Variants in KL observed in about 807,000 individuals in gnomAD.
KL encodes the protein klotho, also known as alpha-klotho.
In KL, 62 loss-of-function variants were observed where a neutral mutation model predicts 84.2. The observed-to-expected ratio is 0.74, with a 90% CI of 0.60 to 0.91. The LOEUF (loss-of-function observed/expected upper bound fraction) is 0.91, where lower values mean the gene tolerates loss of function less well. Ranked by LOEUF, KL falls within the 40% of genes least tolerant of loss-of-function variation. KL has a pLI of 0.00. For missense variants in KL, 1,261 were observed against 1,305.7 expected (o/e 0.97, Z 0.53); for synonymous variants, 528 against 528.0 (o/e 1.00, Z 0.00).
chr13:33,018,828 G>A (rs2138186516), intron 1 of KL, among the ~76,000 whole-genome samples: 1 of 152,288 alleles, frequency 6.6e-6, no homozygotes, highest in South Asian at 2.1e-4. Context: ...TATTTTTAGA[G>A]TCCCTAGGAT....
chr13:33,032,717 C>G lies in KL; in HGVS notation c.819+15458C>G, dbSNP rs1405862194. Among the ~76,000 whole-genome samples the G allele has an allele frequency of 2.6e-5, 4 of 152,024 alleles. No individual in the cohort carries two copies. In the East Asian group the frequency reaches 5.8e-4, roughly 22 times the overall value. On this transcript the variant is annotated intron_variant, in intron 1 of 4. Coordinates refer to ENST00000380099, the MANE Select transcript of KL (RefSeq NM_004795.4). ...AATGGGAGGAACAGCCAGGTTATAT[C>G]GTAAAAGATCATGGGGCATGGGAGA...
chr13:33,023,105 C>T (rs1169026028), intron 1 of KL, among the ~76,000 whole-genome samples: 1 of 152,186 alleles, frequency 6.6e-6, no homozygotes, highest in African/African-American at 2.4e-5. Context: ...CTGCACCTAT[C>T]ACTGTCCCTT....
chr13:33,050,447 T>A (rs539895175), intron 1 of KL, among the ~76,000 whole-genome samples: 5 of 152,148 alleles, frequency 3.3e-5, no homozygotes, highest in Admixed American at 3.3e-4. Flanking sequence ...CGTGAAGAGG[T>A]GGTGAAGCTG....
At chr13:33,019,822 A>G (rs497305) in intron 1 of KL, among the ~76,000 whole-genome samples, 49,874 of 151,124 alleles carry the variant, frequency 0.33, 9,472 homozygotes, top group Admixed American at 0.45. Flanking sequence ...GTCTCCTACA[A>G]AGAGCTTGGA....
At chr13:33,063,718 A>G (rs1219073656) in intron 4 of KL, 131 bp from the exon 5 acceptor site, 5 of 812,816 alleles carry the variant, frequency 6.2e-6, no homozygotes, top group Non-Finnish European at 1.1e-5. Flanking sequence ...CGGAGGTTGC[A>G]GTGAGTCAAG....
intron 1 of KL, among the ~76,000 whole-genome samples, chr13:33,027,817 C>G (rs1309496097): frequency 6.6e-6 from 1 of 152,168 alleles, no homozygotes. Context: ...TGAGCTGGTT[C>G]CCCAACCCCT....
At chr13:33,047,199 A>G (rs1451669676) in intron 1 of KL, among the ~76,000 whole-genome samples, 1 of 152,166 alleles carries the variant, frequency 6.6e-6, no homozygotes, top group Non-Finnish European at 1.5e-5. Flanking sequence ...CAAAGCCTCC[A>G]TTTTGTTATT....
chr13:33,043,462 C>T (rs143117477), intron 1 of KL, among the ~76,000 whole-genome samples: 17 of 152,284 alleles, frequency 1.1e-4, no homozygotes, highest in East Asian at 1.9e-4. Context: ...TCAAGTGATT[C>T]GCCCGCCTCA....
chr13:33,054,606 CTTGTTA>C (rs1285094556), intron 2 of KL, among the ~76,000 whole-genome samples: 1 of 152,064 alleles, frequency 6.6e-6, no homozygotes, highest in Non-Finnish European at 1.5e-5. Flanking sequence ...TTTTTCAGTT[CTTGTTA>C]TTTTGGTTGA....
At chr13:33,055,709 A>G (rs1871933061) in intron 3 of KL, among the ~76,000 whole-genome samples, 1 of 152,222 alleles carries the variant, frequency 6.6e-6, no homozygotes, top group Non-Finnish European at 1.5e-5. Flanking sequence ...CTGAGGCAGG[A>G]ACATTAGGCA....
At chr13:33,050,643 G>T (rs1871707975) in intron 1 of KL, among the ~76,000 whole-genome samples, 1 of 152,180 alleles carries the variant, frequency 6.6e-6, no homozygotes, top group Non-Finnish European at 1.5e-5. Context: ...GGGTCCATGG[G>T]GTTGCAGCGA....
chr13:33,054,590 C>T (rs1871881872), intron 2 of KL, among the ~76,000 whole-genome samples: 1 of 152,186 alleles, frequency 6.6e-6, no homozygotes, highest in South Asian at 2.1e-4. Context: ...TAGCTCTCTG[C>T]ACATGTTTTT....
chr13:33,032,146 A>G (rs1870995291), intron 1 of KL, among the ~76,000 whole-genome samples: 4 of 152,204 alleles, frequency 2.6e-5, no homozygotes, highest in Non-Finnish European at 5.9e-5. Flanking sequence ...TCAGCATCTG[A>G]AATGGACAAG....
intron 3 of KL, among the ~76,000 whole-genome samples, chr13:33,060,438 TG>T (rs1351374973): frequency 3.3e-5 from 5 of 152,160 alleles, no homozygotes; most frequent in Non-Finnish European, 5.9e-5. Flanking sequence ...TCCAGACTTT[TG>T]GGGGTCACAT....
In KL at chr13:33,065,137, C is replaced by T. The variant is rs538019945; in HGVS notation, c.*951C>T. 1 of 224,762 alleles carries T rather than the reference C, an allele frequency of 4.4e-6. No individual in the cohort carries two copies. Among genetic ancestry groups the T allele is most frequent in the Non-Finnish European group, 8.9e-6 (1 of 112,592 alleles). 13.9% of individuals were successfully genotyped at this position (224,762 alleles called of 1,614,324 possible). On this transcript the variant is annotated 3_prime_UTR_variant, in exon 5 of 5. Transcript: ENST00000380099. ...CTAGAGAATAAGGATGAAATAATCA[C>T]TCATTCTATGAACAGTGACACTACT...
At chr13:33,028,390 C>G (rs535355645) in intron 1 of KL, among the ~76,000 whole-genome samples, 1 of 152,196 alleles carries the variant, frequency 6.6e-6, no homozygotes, top group African/African-American at 2.4e-5. Context: ...AGTCAAAGTC[C>G]CAAAAAATAA....
rs34137141 is a variant in KL at position 33,063,776 on chromosome 13, C to CAAA, written c.2702-61_2702-59dup. The CAAA allele has an allele frequency of 1.6e-3, 1,819 of 1,165,060 alleles. 2 individuals carry two copies. The highest frequency in any genetic ancestry group is 1.9e-3 in the Non-Finnish European group (1,516 of 809,304). The allele number at this position is 1,165,060 out of a possible 1,614,324, so 72.2% of individuals were successfully genotyped here. A position where few individuals can be genotyped will look rare whatever the true frequency, so the allele number is the denominator to read the frequency against. ...TGTGTGACAGAGCAAGACTCCGTCT[C>CAAA]AAAAAAAAAAAAAAGTGATGTGTTG... On this transcript the variant is annotated intron_variant, in intron 4 of 4. Coordinates refer to ENST00000380099, the MANE Select transcript of KL (RefSeq NM_004795.4).
Position 33,061,663 on chromosome 13 carries a change from A to G in KL, c.2584A>G (p.Lys862Glu). Reference protein sequence around the residue: ...LRKVLNWLKFKYGDLPMYIIS... With the variant: ...LRKVLNWLKFEYGDLPMYIIS... ...CAAAGTGCTGAACTGGCTGAAGTTC[A>G]AGTACGGAGACCTCCCCATGTACAT... The change falls in exon 4 of 5, where the codon AAG becomes GAG. Residue 862 changes from lysine to glutamate, a missense_variant. Physicochemically the swap from Lys to Glu is moderately conservative, Grantham distance 56. Transcript: ENST00000380099. 5.6e-6 allele frequency: 9 copies of G among 1,614,188 alleles called. No individual in the cohort carries two copies. Among genetic ancestry groups the G allele is most frequent in the Non-Finnish European group, 7.6e-6 (9 of 1,180,022 alleles).
Position 33,061,675 on chromosome 13 carries a change from C to T in KL, c.2596C>T (p.Leu866Phe). 1 of 1,614,108 alleles carries T rather than the reference C, an allele frequency of 6.2e-7. No individual in the cohort carries two copies. The highest frequency in any genetic ancestry group is 1.7e-5 in the Admixed American group (1 of 60,022). Residue 866 changes from leucine to phenylalanine, a missense_variant, in exon 4 of 5, where the codon CTC (leucine) becomes TTC (phenylalanine). Transcript: ENST00000380099. ...CTGGCTGAAGTTCAAGTACGGAGAC[C>T]TCCCCATGTACATAATATCCAATGG... ...LNWLKFKYGD[L>F]PMYIISNGID... is the part of the protein sequence containing the mutation.
Sources: gnomAD v4.1 joint callset for allele counts (sites outside exome capture counted in the v4.1 genomes callset) on GRCh38, gnomAD v4.1.1 for gene constraint, MANE v1.5 for transcripts, NCBI Gene and HGNC (gene_info 2026-07-23, HGNC 2026-07-21) for gene names.